The following ADK variants were observed in gnomAD, a reference collection of about 807,000 sequenced individuals.
ADK encodes the protein N6,N6-dimethyladenosine kinase.
ADK carries 24 observed loss-of-function variants against 44.7 expected under a neutral mutation model. The observed-to-expected ratio is 0.54, with a 90% CI of 0.39 to 0.76. The LOEUF (loss-of-function observed/expected upper bound fraction) is 0.76. Ranked by LOEUF, ADK falls within the 30% of genes least tolerant of loss-of-function variation. The probability of loss-of-function intolerance (pLI) is 0.00; values close to 1 mark genes in which losing one functional copy is unlikely to be tolerated. For synonymous variants in ADK, 128 were observed against 142.6 expected (o/e 0.90, Z 0.73); for missense variants, 321 against 425.1 (o/e 0.76, Z 2.15).
intron 6 of ADK, among the ~76,000 whole-genome samples, chr10:74,507,749 C>G (rs796072347): frequency 6.6e-6 from 1 of 152,142 alleles, no homozygotes; most frequent in African/African-American, 2.4e-5. Context: ...GTAAGAAGTG[C>G]TCTTCCCTTT....
At chr10:74,401,013 G>A (rs571891360) in intron 6 of ADK, among the ~76,000 whole-genome samples, 2 of 152,268 alleles carry the variant, frequency 1.3e-5, no homozygotes, top group South Asian at 4.1e-4. Flanking sequence ...TTTAAATACA[G>A]TGCCAAGATC....
intron 9 of ADK, among the ~76,000 whole-genome samples, chr10:74,649,323 A>C (rs1365036663): frequency 6.6e-6 from 1 of 152,230 alleles, no homozygotes; most frequent in African/African-American, 2.4e-5. Context: ...CTAGCTTAGA[A>C]GTCTTTTAAA....
rs537971992 is a variant in ADK, at chr10:74,331,278, G to A, written c.273+16533G>A. On this transcript the variant is annotated intron_variant, in intron 4 of 10. Transcript: ENST00000539909. ...AAGTTTTGAATAATTTTCTGGTTTT[G>A]AAAACCTGTTTTGATTTTTTTTTCT... Among the ~76,000 whole-genome samples, 7 of 149,988 alleles carry A rather than the reference G, an allele frequency of 4.7e-5. No individual in the cohort carries two copies. In the South Asian group the frequency reaches 1.5e-3, roughly 31 times the overall value.
chr10:74,419,300 C>T (rs1296596808), intron 6 of ADK, among the ~76,000 whole-genome samples: 1 of 151,884 alleles, frequency 6.6e-6, no homozygotes, highest in Admixed American at 6.6e-5. Flanking sequence ...TAAGATTGGC[C>T]TATTTCAGTC....
chr10:74,577,654 G>A lies in ADK; in HGVS notation c.727-11628G>A, dbSNP rs192843245. Among the ~76,000 whole-genome samples the A allele has an allele frequency of 1.0e-3, 153 of 151,762 alleles. 1 individual carries two copies. The highest frequency in any genetic ancestry group is 3.4e-3 in the African/African-American group (141 of 41,404). On this transcript the variant is annotated intron_variant, in intron 7 of 10. Coordinates refer to ENST00000539909, the MANE Select transcript of ADK (RefSeq NM_006721.4). ...TGTTACATTAAAAAAAAATTACAAT[G>A]TAGTCCTATAAGTTTCTTTTTTTAT...
chr10:74,212,785 T>C (rs1328582867), intron 2 of ADK, among the ~76,000 whole-genome samples: 1 of 152,180 alleles, frequency 6.6e-6, no homozygotes, highest in Non-Finnish European at 1.5e-5. Flanking sequence ...GATAAACCTG[T>C]TGCGAGATGA....
chr10:74,708,153 G>GAAAAAAAAAA (rs35480343), intron 10 of ADK, among the ~76,000 whole-genome samples, 168 bp from the exon 11 acceptor site: 1 of 132,722 alleles, frequency 7.5e-6, no homozygotes, highest in East Asian at 2.2e-4. Flanking sequence ...CCATCTCGGG[G>GAAAAAAAAAA]AAAAAAAAAA....
At chr10:74,243,098 A>G (rs986048989) in intron 3 of ADK, among the ~76,000 whole-genome samples, 6 of 152,196 alleles carry the variant, frequency 3.9e-5, no homozygotes, top group South Asian at 4.1e-4. Context: ...ACCCCACGCA[A>G]TGTGGTAAGG....
At chr10:74,569,879 T>A (rs1318834202) in intron 7 of ADK, among the ~76,000 whole-genome samples, 2 of 152,160 alleles carry the variant, frequency 1.3e-5, no homozygotes, top group East Asian at 1.9e-4. Context: ...ATTGCCTAGG[T>A]TTTCTTCTAG....
intron 6 of ADK, among the ~76,000 whole-genome samples, chr10:74,415,438 T>C (rs1042931013): frequency 6.6e-6 from 1 of 152,220 alleles, no homozygotes; most frequent in African/African-American, 2.4e-5. Flanking sequence ...GTATGTAAAC[T>C]GGACATAAAC....
intron 9 of ADK, among the ~76,000 whole-genome samples, chr10:74,620,082 A>G (rs1224076968): frequency 6.6e-6 from 1 of 152,198 alleles, no homozygotes; most frequent in African/African-American, 2.4e-5. Flanking sequence ...TAGCATATCC[A>G]TCATCTCAAA....
At chr10:74,677,296 A>T (rs1367145111) in intron 10 of ADK, among the ~76,000 whole-genome samples, 2 of 152,112 alleles carry the variant, frequency 1.3e-5, no homozygotes, top group Non-Finnish European at 2.9e-5. Flanking sequence ...AGAAAAGAAC[A>T]TTGGTTTACA....
rs528609522 is a variant in ADK, at chr10:74,402,298, T to C, written c.555+3719T>C. On this transcript the variant is annotated intron_variant, in intron 6 of 10. Transcript: ENST00000539909. ...TTGAATGTTGGCCTGCCTTGCTAGGTTGGGGACATTCTCCTGAATAATATC... is the reference window on the plus strand; with the variant it reads ...TTGAATGTTGGCCTGCCTTGCTAGGCTGGGGACATTCTCCTGAATAATATC... Among the ~76,000 whole-genome samples the C allele has an allele frequency of 2.0e-5, 3 of 152,350 alleles. No homozygotes were observed. In the South Asian group the frequency reaches 6.2e-4, roughly 32 times the overall value.
intron 1 of ADK, among the ~76,000 whole-genome samples, chr10:74,192,816 A>G (rs1842996871): frequency 6.6e-6 from 1 of 152,160 alleles, no homozygotes; most frequent in Admixed American, 6.5e-5. Context: ...GTGAGCCACC[A>G]TGGCTGGCCT....
At chr10:74,324,712 G>A (rs11000996) in intron 4 of ADK, among the ~76,000 whole-genome samples, 98,045 of 152,038 alleles carry the variant, frequency 0.64, 32,927 homozygotes, top group Middle Eastern at 0.79. Context: ...TAATGAAGCA[G>A]TAAATATGGA....
chr10:74,642,764 T>G (rs1421374103), intron 9 of ADK, among the ~76,000 whole-genome samples: 1 of 151,844 alleles, frequency 6.6e-6, no homozygotes, highest in Non-Finnish European at 1.5e-5. Context: ...CTTTCAAAAC[T>G]TATTCTCCTG....
intron 9 of ADK, among the ~76,000 whole-genome samples, chr10:74,635,011 T>C (rs1362359558): frequency 6.6e-6 from 1 of 152,080 alleles, no homozygotes; most frequent in Non-Finnish European, 1.5e-5. Flanking sequence ...GCAAAAGGCC[T>C]AAAATGTTCA....
At chr10:74,593,774 G>A (rs1290802763) in intron 8 of ADK, among the ~76,000 whole-genome samples, 1 of 152,210 alleles carries the variant, frequency 6.6e-6, no homozygotes, top group East Asian at 1.9e-4. Context: ...GGTAGACTGT[G>A]ACAGGATTGC....
intron 10 of ADK, among the ~76,000 whole-genome samples, chr10:74,697,746 A>G (rs981959001): frequency 1.3e-5 from 2 of 152,178 alleles, no homozygotes; most frequent in Non-Finnish European, 2.9e-5. Context: ...TGTAAATGAC[A>G]CTAAGAAAAT....
Sources: allele counts gnomAD v4.1 joint callset (sites outside exome capture counted in the v4.1 genomes callset), GRCh38; gene constraint gnomAD v4.1.1; transcripts MANE v1.5; gene names NCBI Gene and HGNC (gene_info 2026-07-23, HGNC 2026-07-21).